The following DIMT1 variants were observed in gnomAD, a reference collection of about 807,000 sequenced individuals.
The protein encoded by DIMT1 is DIM1 rRNA methyltransferase and ribosome maturation factor.
In DIMT1, 36 loss-of-function variants were observed where a neutral mutation model predicts 43.2. The observed-to-expected ratio is 0.83, with a 90% CI of 0.64 to 1.10. The LOEUF is 1.10. DIMT1 is among the 50% of genes least tolerant of loss of function. DIMT1 has a pLI of 0.00. For synonymous variants in DIMT1, 126 were observed against 130.3 expected, an observed-to-expected ratio of 0.97 and a Z score of 0.22; for missense variants, 341 against 385.3, an observed-to-expected ratio of 0.88 and a Z score of 0.96.
intron 11 of DIMT1, 56 bp from the exon 12 acceptor site, chr5:62,389,108 C>A (rs931795007): frequency 6.9e-7 from 1 of 1,456,102 alleles, no homozygotes; most frequent in Non-Finnish European, 9.6e-7. Flanking sequence ...TAGCACATAA[C>A]GGTATATAGT....
At position 62,388,836 on chromosome 5, in the gene DIMT1, G is replaced by T. The variant is rs1459846610; in HGVS notation, c.*174C>A. On this transcript the variant is annotated 3_prime_UTR_variant, in exon 12 of 12. Transcript: ENST00000199320. ...TATATATTAAAAACTTTGATACTTA[G>T]AACTTTCCAACTTTAAAATTCAGAA... 39 of 642,788 alleles carry T rather than the reference G, an allele frequency of 6.1e-5. No homozygotes were observed. The highest frequency in any genetic ancestry group is 2.7e-6 in the Non-Finnish European group (1 of 365,552). 39.8% of individuals were successfully genotyped at this position (642,788 alleles called of 1,614,324 possible). A position where few individuals can be genotyped will look rare whatever the true frequency, so the allele number is the denominator to read the frequency against.
intron 10 of DIMT1, chr5:62,391,613 CCTTT>C (rs1393983267): frequency 2.4e-6 from 2 of 836,160 alleles, no homozygotes; most frequent in East Asian, 1.8e-4. Flanking sequence ...AGAAAATTGG[CCTTT>C]CTCTCTCTGT....
intron 3 of DIMT1, among the ~76,000 whole-genome samples, chr5:62,399,155 C>T (rs561556991): frequency 6.6e-6 from 1 of 152,060 alleles, no homozygotes; most frequent in African/African-American, 2.4e-5. Context: ...CATGGTGAAA[C>T]CCCATCTCTA....
intron 2 of DIMT1, among the ~76,000 whole-genome samples, chr5:62,402,713 T>C (rs1342309464): frequency 6.6e-6 from 1 of 152,214 alleles, no homozygotes; most frequent in Non-Finnish European, 1.5e-5. Flanking sequence ...AACTATGTAA[T>C]GCTCTTTCTA....
chr5:62,394,169 A>C, intron 7 of DIMT1, 122 bp from the exon 8 acceptor site: 2 of 983,168 alleles, frequency 2.0e-6, no homozygotes, highest in Non-Finnish European at 3.0e-6. Context: ...AGATTATTTC[A>C]ATAATAAAAA....
At chr5:62,403,557 A>G in intron 1 of DIMT1, 137 bp downstream of exon 1, 1 of 1,082,878 alleles carries the variant, frequency 9.2e-7, no homozygotes, top group Non-Finnish European at 1.3e-6. Context: ...CGAGTCGGGG[A>G]CCCACCCCTG....
At chr5:62,402,697 T>C (rs1742749376) in intron 2 of DIMT1, among the ~76,000 whole-genome samples, 1 of 152,224 alleles carries the variant, frequency 6.6e-6, no homozygotes, top group Non-Finnish European at 1.5e-5. Flanking sequence ...CCTGACAAGA[T>C]CCTTTAACTA....
At chr5:62,391,630 T>C in intron 10 of DIMT1, 2 of 1,002,368 alleles carry the variant, frequency 2.0e-6, no homozygotes, top group Non-Finnish European at 2.4e-6. Context: ...CTCTCTGTTC[T>C]AATTAAACTG....
Position 62,403,690 on chromosome 5 carries a change from G to T in DIMT1, c.79+4C>A, listed in dbSNP as rs371144112. On this transcript the variant is annotated splice_donor_region_variant and intron_variant, in intron 1 of 11. Transcript: ENST00000199320. ...GACCCCAGCTTCCTCGCGGGGATCC[G>T]CACCTCCAGCGCTCTTCAGCTCCCG... 119 of 1,606,258 alleles carry T rather than the reference G, an allele frequency of 7.4e-5. No homozygotes were observed. The African/African-American group carries it at 1.3e-3, about 18-fold the overall frequency.
chr5:62,399,972 T>A (rs1253652156), intron 3 of DIMT1, among the ~76,000 whole-genome samples: 1 of 151,948 alleles, frequency 6.6e-6, no homozygotes, highest in Non-Finnish European at 1.5e-5. Flanking sequence ...ATGTGAGAGT[T>A]CTACTCATAT....
chr5:62,396,139 G>GTTTTTTTTTTTTTTTTTTTTTTTTT (rs758847833), intron 6 of DIMT1, among the ~76,000 whole-genome samples: 3,221 of 116,166 alleles, frequency 0.028, 466 homozygotes, highest in Non-Finnish European at 0.033. Flanking sequence ...GTCACTGCAG[G>GTTTTTTTTTTTTTTTTTTTTTTTTT]TTTTTTTTTT....
At chr5:62,397,674 A>C (rs552090483) in intron 6 of DIMT1, among the ~76,000 whole-genome samples, 1 of 150,510 alleles carries the variant, frequency 6.6e-6, no homozygotes, top group East Asian at 2.0e-4. Flanking sequence ...TTTGAGACGG[A>C]GTCTCGCTCA....
Position 62,403,898 on chromosome 5 carries a change from G to A in DIMT1, c.-126C>T, listed in dbSNP as rs1742810397. 9.9e-6 allele frequency: 10 copies of A among 1,007,598 alleles called. No individual in the cohort carries two copies. The highest frequency in any genetic ancestry group is 2.2e-4 in the Middle Eastern group (1 of 4,514). The allele number at this position is 1,007,598 out of a possible 1,614,324, so 62.4% of individuals were successfully genotyped here. A position where few individuals can be genotyped will look rare whatever the true frequency, so the allele number is the denominator to read the frequency against. On this transcript the variant is annotated 5_prime_UTR_variant, in exon 1 of 12. Transcript: ENST00000199320. ...GCACCACTCTGGCCCAAGCGCCGGAGGGGCAAGGGTCCGCCCCCTCCCGTA... is the reference window on the plus strand; with the variant it reads ...GCACCACTCTGGCCCAAGCGCCGGAAGGGCAAGGGTCCGCCCCCTCCCGTA...
intron 7 of DIMT1, 69 bp from the exon 8 acceptor site, chr5:62,394,116 C>A: frequency 7.1e-7 from 1 of 1,407,034 alleles, no homozygotes; most frequent in Non-Finnish European, 9.9e-7. Flanking sequence ...GATATGCTAT[C>A]CTCACAGAAG....
At chr5:62,392,859 G>T in intron 9 of DIMT1, 67 bp downstream of exon 9, 2 of 1,130,532 alleles carry the variant, frequency 1.8e-6, no homozygotes, top group South Asian at 1.4e-5. Flanking sequence ...TCAGGAAAAG[G>T]ACCAAATTCT....
At chr5:62,398,933 T>G (rs745908434) in intron 3 of DIMT1, 52 bp from the exon 4 acceptor site, 13 of 1,356,850 alleles carry the variant, frequency 9.6e-6, no homozygotes, top group Non-Finnish European at 1.2e-5. Flanking sequence ...ATATAAATCT[T>G]TTATTGTTAT....
rs182372726 is a variant in DIMT1, at chr5:62,392,469, A to C, written c.729-235T>G. Among the ~76,000 whole-genome samples, 137 of 152,050 alleles carry C rather than the reference A, an allele frequency of 9.0e-4. 1 individual carries two copies. Among genetic ancestry groups the C allele is most frequent in the Middle Eastern group, 3.4e-3 (1 of 294 alleles). On this transcript the variant is annotated intron_variant, in intron 9 of 11. Transcript: ENST00000199320. ...AAGTGCAAAATCCTAATACCTCTTA[A>C]ATTCTTAGAGAAGTTCTAGACTCTC... is the stretch of plus-strand genomic sequence containing the variant.
intron 2 of DIMT1, 77 bp from the exon 3 acceptor site, chr5:62,402,199 A>T: frequency 7.1e-7 from 1 of 1,402,658 alleles, no homozygotes; most frequent in Non-Finnish European, 1.0e-6. Flanking sequence ...GAACATCTTT[A>T]CTCATATGTG....
intron 10 of DIMT1, 172 bp from the exon 11 acceptor site, chr5:62,391,154 G>T: frequency 3.7e-6 from 2 of 547,888 alleles, no homozygotes; most frequent in East Asian, 2.9e-5. Context: ...AAAAGTGGCT[G>T]ATCTTTATTA....
Sources: allele counts gnomAD v4.1 joint callset (sites outside exome capture counted in the v4.1 genomes callset), GRCh38; gene constraint gnomAD v4.1.1; transcripts MANE v1.5; gene names NCBI Gene and HGNC (gene_info 2026-07-23, HGNC 2026-07-21).